C17orf99: variants seen among roughly 807,000 people sequenced by gnomAD.
The protein encoded by C17orf99 is protein IL-40.
In C17orf99, 18 loss-of-function variants were observed where a neutral mutation model predicts 22.6. That is an observed-to-expected ratio of 0.80 (90% CI 0.55 to 1.18). C17orf99 has a LOEUF of 1.18. C17orf99 is among the 50% of genes most tolerant of loss of function. The pLI, the probability that C17orf99 is intolerant of heterozygous loss-of-function variation, is 0.00. For missense variants in C17orf99, 328 were observed against 342.7 expected (o/e 0.96, Z 0.34); for synonymous variants, 147 against 136.6 (o/e 1.08, Z -0.53).
chr17:78,147,111 CAG>C (rs2075443431), intron 2 of C17orf99, among the ~76,000 whole-genome samples, 200 bp downstream of exon 2: 1 of 152,192 alleles, frequency 6.6e-6, no homozygotes, highest in African/African-American at 2.4e-5. Context: ...CCAAGCAGGC[CAG>C]TGTGGGGACC....
At chr17:78,158,024 A>G (rs2145788228) in intron 2 of C17orf99, 2 of 1,370,050 alleles carry the variant, frequency 1.5e-6, no homozygotes, top group Non-Finnish European at 2.0e-6. Flanking sequence ...GCTGATTGGC[A>G]TCCAGGATGG....
chr17:78,153,898 A>G (rs985974192), intron 2 of C17orf99, among the ~76,000 whole-genome samples: 14 of 144,520 alleles, frequency 9.7e-5, no homozygotes, highest in Admixed American at 2.8e-4. Context: ...CTGTTTAGGG[A>G]AAAAAAAAAA....
chr17:78,161,447 G>A (rs1326011250), intron 3 of C17orf99, among the ~76,000 whole-genome samples, 193 bp downstream of exon 3: 2 of 152,218 alleles, frequency 1.3e-5, no homozygotes, highest in African/African-American at 4.8e-5. Flanking sequence ...TGCTGTCCCT[G>A]GCTGGGGCCC....
chr17:78,151,244 C>T (rs1190008102), intron 2 of C17orf99, among the ~76,000 whole-genome samples: 1 of 151,386 alleles, frequency 6.6e-6, no homozygotes, highest in East Asian at 1.9e-4. Flanking sequence ...GGCCAACATG[C>T]GGAAACCCTG....
At chr17:78,147,650 C>T (rs913405839) in intron 2 of C17orf99, among the ~76,000 whole-genome samples, 1 of 152,164 alleles carries the variant, frequency 6.6e-6, no homozygotes, top group African/African-American at 2.4e-5. Context: ...CTAACCCTTG[C>T]CCCTTGTTGC....
chr17:78,165,959 G>T lies in C17orf99; in HGVS notation c.711G>T (p.Arg237Ser). 1 of 1,504,234 alleles carries T rather than the reference G, an allele frequency of 6.6e-7. No homozygotes were observed. Among genetic ancestry groups the T allele is most frequent in the Non-Finnish European group, 8.9e-7 (1 of 1,117,334 alleles). The allele number at this position is 1,504,234 out of a possible 1,614,324, so 93.2% of individuals were successfully genotyped here. The part of the protein sequence containing the change: ...ESPILALPLY[R>S]STRRLSEEEF... The stretch of plus-strand genomic sequence containing the variant: ...CCATCCTTGCCTTGCCGCTCTACAG[G>T]AGCACCCGCCGTCTGAGTGAAGAGG... The change falls in exon 5 of 5, where the codon AGG becomes AGT. Residue 237 changes from arginine to serine, a missense_variant. Physicochemically the swap from Arg to Ser is moderately radical, Grantham distance 110. Transcript: ENST00000340363.
rs762044423 is a variant in C17orf99, at chr17:78,165,885, C to G, written c.641-4C>G. On this transcript the variant is annotated splice_polypyrimidine_tract_variant and splice_region_variant and intron_variant, in intron 4 of 4. Transcript: ENST00000340363. ...CTGACTTGAGTCTCCACTGCTTTGT[C>G]AAGGTGGTGACCAGAAGATGGAGGA... 8 of 1,338,790 alleles carry G rather than the reference C, an allele frequency of 6.0e-6. 1 individual carries two copies. Among genetic ancestry groups the G allele is most frequent in the Middle Eastern group, 2.1e-4 (1 of 4,866 alleles). 82.9% of individuals were successfully genotyped at this position (1,338,790 alleles called of 1,614,324 possible). A position where few individuals can be genotyped will look rare whatever the true frequency, so the allele number is the denominator to read the frequency against.
intron 3 of C17orf99, among the ~76,000 whole-genome samples, chr17:78,163,594 C>T (rs751559115): frequency 1.8e-4 from 28 of 152,300 alleles, no homozygotes; most frequent in Middle Eastern, 3.4e-3. Flanking sequence ...AGGCCGGGCA[C>T]GGTGGCTCAC....
At position 78,165,515 on chromosome 17, in the gene C17orf99, GAGGC is replaced by G. The variant is rs2075610933; in HGVS notation, c.641-369_641-366del. Reference sequence around the variant, plus strand: ...TGTGCTTGGCACCATAAAACTCCCAGAGGCAGGCCGGGCACAGTGGCTCATGCCT... The same window carrying G: ...TGTGCTTGGCACCATAAAACTCCCAGAGGCCGGGCACAGTGGCTCATGCCT... On this transcript the variant is annotated intron_variant, in intron 4 of 4. Coordinates refer to ENST00000340363, the MANE Select transcript of C17orf99 (RefSeq NM_001163075.2). 6 of 987,172 alleles carry G rather than the reference GAGGC, an allele frequency of 6.1e-6. No homozygotes were observed. In the South Asian group the frequency reaches 2.8e-4, roughly 46 times the overall value. The allele number at this position is 987,172 out of a possible 1,614,324, so 61.2% of individuals were successfully genotyped here.
upstream of C17orf99, chr17:78,146,282 CG>C (rs2075436812): frequency 1.3e-6 from 1 of 786,396 alleles, no homozygotes; most frequent in African/African-American, 1.7e-5. This position sits in a 1 kb window ranked among gnomAD's most constrained non-coding sequence, Gnocchi z 5.2. Flanking sequence ...TGGGGTGCTG[CG>C]GCCTCCAGGT....
intron 3 of C17orf99, among the ~76,000 whole-genome samples, chr17:78,161,834 T>TC (rs1226214165): frequency 7.6e-6 from 1 of 132,254 alleles, no homozygotes; most frequent in African/African-American, 2.9e-5. Context: ...ACAGAGCGTC[T>TC]CCAAAAAAAA....
Position 78,146,724 on chromosome 17 carries a change from G to A in C17orf99, c.38-155G>A. On this transcript the variant is annotated intron_variant, in intron 1 of 4. Transcript: ENST00000340363. This position sits in a 1 kb window ranked among gnomAD's most constrained non-coding sequence, Gnocchi z 5.2. ...GTTGTGGGGGGAGGGGCGCAAAAGA[G>A]CTTTTGTGAGTGATGGTGCCAGCTG... 1 of 737,138 alleles carries A rather than the reference G, an allele frequency of 1.4e-6. No individual in the cohort carries two copies. Among genetic ancestry groups the A allele is most frequent in the Non-Finnish European group, 2.3e-6 (1 of 435,368 alleles). 45.7% of individuals were successfully genotyped at this position (737,138 alleles called of 1,614,324 possible).
chr17:78,145,747 G>A (rs373466691), upstream of C17orf99, among the ~76,000 whole-genome samples: 4 of 151,492 alleles, frequency 2.6e-5, no homozygotes, highest in East Asian at 5.8e-4. Context: ...TCCCCTTGCC[G>A]CGTAGCATGG....
Position 78,166,086 on chromosome 17 carries a change from A to ACGCTGAT in C17orf99, c.*40_*41insCGCTGAT. 3 of 738,096 alleles carry ACGCTGAT rather than the reference A, an allele frequency of 4.1e-6. No homozygotes were observed. The highest frequency in any genetic ancestry group is 5.8e-6 in the Non-Finnish European group (3 of 520,046). The allele number at this position is 738,096 out of a possible 1,614,324, so 45.7% of individuals were successfully genotyped here. A position where few individuals can be genotyped will look rare whatever the true frequency, so the allele number is the denominator to read the frequency against. On this transcript the variant is annotated 3_prime_UTR_variant, in exon 5 of 5. Coordinates refer to ENST00000340363, the MANE Select transcript of C17orf99 (RefSeq NM_001163075.2). ...AGAGCCAAGCACGGCAGAGGACTGCAGGCCATCAGCGTGCACTGTTCGTAT... is the reference window on the plus strand; with the variant it reads ...AGAGCCAAGCACGGCAGAGGACTGCACGCTGATGGCCATCAGCGTGCACTGTTCGTAT...
intron 2 of C17orf99, among the ~76,000 whole-genome samples, chr17:78,159,495 C>G (rs1055305632): frequency 4.0e-5 from 6 of 151,504 alleles, no homozygotes; most frequent in Admixed American, 2.0e-4. Flanking sequence ...AAAAATTAGC[C>G]AGGCGTAGTG....
intron 3 of C17orf99, among the ~76,000 whole-genome samples, chr17:78,162,019 T>A (rs2075581783): frequency 6.6e-6 from 1 of 152,194 alleles, no homozygotes; most frequent in Admixed American, 6.5e-5. Flanking sequence ...CTCACGCCTA[T>A]AAGCCCAGCA....
chr17:78,154,675 T>C (rs1211527136), intron 2 of C17orf99, among the ~76,000 whole-genome samples: 1 of 151,796 alleles, frequency 6.6e-6, no homozygotes, highest in Non-Finnish European at 1.5e-5. Flanking sequence ...AAACCCTGTC[T>C]CTACTAAAAA....
rs372937776 is a variant in C17orf99, at chr17:78,165,966, C to T, written c.718C>T (p.Arg240Cys). Residue 240 changes from arginine to cysteine, a missense_variant, in exon 5 of 5, where the codon CGC (arginine) becomes TGC (cysteine). By Grantham distance (180) the Arg-to-Cys change is radical (BLOSUM62 -3). Coordinates refer to ENST00000340363, the MANE Select transcript of C17orf99 (RefSeq NM_001163075.2). ...ILALPLYRST[R>C]RLSEEEFGGF... ...TGCCTTGCCGCTCTACAGGAGCACC[C>T]GCCGTCTGAGTGAAGAGGAGTTTGG... 2.7e-5 allele frequency: 40 copies of T among 1,501,588 alleles called. 1 individual carries two copies. The Middle Eastern group carries it at 9.6e-4, about 36-fold the overall frequency. 93.0% of individuals were successfully genotyped at this position (1,501,588 alleles called of 1,614,324 possible).
intron 2 of C17orf99, chr17:78,157,645 A>C: frequency 2.2e-6 from 1 of 461,994 alleles, no homozygotes; most frequent in South Asian, 2.0e-5. Context: ...AAAAATACAA[A>C]AATTAGCCGG....
Sources: gnomAD v4.1 joint callset for allele counts (sites outside exome capture counted in the v4.1 genomes callset) on GRCh38, gnomAD v4.1.1 for gene constraint, Gnocchi (gnomAD v3.1) non-coding constraint, MANE v1.5 for transcripts, NCBI Gene and HGNC (gene_info 2026-07-23, HGNC 2026-07-21) for gene names.